Variants in MALRD1 observed in about 807,000 individuals in gnomAD.
The protein encoded by MALRD1 is MAM and LDL receptor class A domain containing 1, also known as MAM and LDL-receptor class A domain-containing protein 1.
MALRD1 carries 247 observed loss-of-function variants against 242.1 expected under a neutral mutation model. The observed-to-expected ratio is 1.02, with a 90% CI of 0.92 to 1.13. The LOEUF (loss-of-function observed/expected upper bound fraction) is 1.13, where lower values mean the gene tolerates loss of function less well. MALRD1 is among the 50% of genes most tolerant of loss of function. The pLI is 0.00. For missense variants in MALRD1, 2,989 were observed against 2,533.1 expected (o/e 1.18, Z -3.86); for synonymous variants, 995 against 866.6 (o/e 1.15, Z -2.60).
rs61437328 is a variant in MALRD1 at position 19,705,804 on chromosome 10, T to TAAAAAAAAAAAAAAAAAAAA, written c.6314+13264_6314+13265insAAAAAAAAAAAAAAAAAAAA. Among the ~76,000 whole-genome samples the TAAAAAAAAAAAAAAAAAAAA allele has an allele frequency of 2.1e-4, 22 of 102,848 alleles. 1 individual carries two copies. The East Asian group carries it at 3.2e-3, about 15-fold the overall frequency. The allele number at this position is 102,848 out of a possible 152,430, so 67.5% of individuals were successfully genotyped here. On this transcript the variant is annotated intron_variant, in intron 38 of 39. Coordinates refer to ENST00000454679, the MANE Select transcript of MALRD1 (RefSeq NM_001142308.3). ...ACCTTGTTCTCATGTCCTGCAATAG[T>TAAAAAAAAAAAAAAAAAAAA]AAAAAAAAAAAAAAGCCCACAAGAG...
At chr10:19,317,933 C>T (rs1052413576) in intron 21 of MALRD1, among the ~76,000 whole-genome samples, 1 of 151,968 alleles carries the variant, frequency 6.6e-6, no homozygotes, top group Non-Finnish European at 1.5e-5. Flanking sequence ...AAGTAAAGCA[C>T]GATTTTCTTA....
intron 14 of MALRD1, among the ~76,000 whole-genome samples, chr10:19,183,290 CTT>C (rs913836255): frequency 6.6e-6 from 1 of 150,910 alleles, no homozygotes; most frequent in Non-Finnish European, 1.5e-5. Flanking sequence ...AAGTAGGAGT[CTT>C]TTTTTTTCTT....
intron 21 of MALRD1, among the ~76,000 whole-genome samples, chr10:19,301,434 T>G (rs546893484): frequency 9.2e-5 from 14 of 151,842 alleles, no homozygotes; most frequent in African/African-American, 3.1e-4. Flanking sequence ...GGCAGCGCTG[T>G]TCACAATAAC....
intron 26 of MALRD1, among the ~76,000 whole-genome samples, chr10:19,362,284 T>G (rs1844927286): frequency 6.6e-6 from 1 of 152,166 alleles, no homozygotes. Context: ...TCTAATACTT[T>G]GCCTTTAATG....
intron 18 of MALRD1, among the ~76,000 whole-genome samples, chr10:19,223,655 G>A (rs1460327044): frequency 6.6e-6 from 1 of 151,974 alleles, no homozygotes; most frequent in Admixed American, 6.6e-5. Context: ...CCATCAACCC[G>A]TCATCCACAT....
chr10:19,615,516 C>CAAAAAAAAAAAAAAAAAAAAAA (rs530920512), intron 35 of MALRD1, among the ~76,000 whole-genome samples: 17 of 37,222 alleles, frequency 4.6e-4, no homozygotes, highest in African/African-American at 1.4e-3. Context: ...GACCCTGCCT[C>CAAAAAAAAAAAAAAAAAAAAAA]AAAAAAAAAA....
At chr10:19,310,908 A>G (rs1489958909) in intron 21 of MALRD1, among the ~76,000 whole-genome samples, 1 of 151,500 alleles carries the variant, frequency 6.6e-6, no homozygotes, top group Admixed American at 6.6e-5. Flanking sequence ...TAACTCCCGC[A>G]TGAGTCTGTA....
At chr10:19,246,151 A>G (rs1369663904) in intron 18 of MALRD1, among the ~76,000 whole-genome samples, 1 of 152,138 alleles carries the variant, frequency 6.6e-6, no homozygotes, top group Non-Finnish European at 1.5e-5. Context: ...TACTATCTCA[A>G]TAGAATATTC....
At chr10:19,585,321 C>T (rs996994664) in intron 33 of MALRD1, among the ~76,000 whole-genome samples, 24 of 151,800 alleles carry the variant, frequency 1.6e-4, no homozygotes, top group African/African-American at 3.4e-4. Flanking sequence ...TTTCTAGTCT[C>T]GATGGTCTTT....
chr10:19,440,045 T>C (rs966704774), intron 28 of MALRD1, among the ~76,000 whole-genome samples: 5 of 152,210 alleles, frequency 3.3e-5, no homozygotes, highest in African/African-American at 4.8e-5. Context: ...CATCACACTT[T>C]AGGTGTCCAT....
intron 4 of MALRD1, 95 bp downstream of exon 4, chr10:19,088,280 T>G (rs1835744916): frequency 9.0e-7 from 1 of 1,114,140 alleles, no homozygotes; most frequent in Non-Finnish European, 1.1e-6. Flanking sequence ...ACTGTCCCAG[T>G]TTGCCAGGGA....
chr10:19,156,199 T>A (rs1356622658), intron 12 of MALRD1, among the ~76,000 whole-genome samples: 4 of 152,192 alleles, frequency 2.6e-5, no homozygotes, highest in Non-Finnish European at 5.9e-5. Flanking sequence ...AATTATACTT[T>A]CAGTTTGGTA....
chr10:19,719,239 T>TAC (rs1392517480), intron 38 of MALRD1, among the ~76,000 whole-genome samples: 20 of 117,322 alleles, frequency 1.7e-4, no homozygotes, highest in African/African-American at 5.7e-4. Context: ...TATATATATA[T>TAC]ATATATATAT....
chr10:19,457,006 C>T lies in MALRD1; in HGVS notation c.5029+6516C>T, dbSNP rs148224717. On this transcript the variant is annotated intron_variant, in intron 29 of 39. Coordinates refer to ENST00000454679, the MANE Select transcript of MALRD1 (RefSeq NM_001142308.3). ...AATGATAGTGTGGATTTAAAAGTTACTATATGCCAAGTGCTTTATACAATA... is the reference window on the plus strand; with the variant it reads ...AATGATAGTGTGGATTTAAAAGTTATTATATGCCAAGTGCTTTATACAATA... 3.3e-3 allele frequency among the ~76,000 whole-genome samples: 499 copies of T among 152,174 alleles called. 2 individuals carry two copies. Among genetic ancestry groups the T allele is most frequent in the Admixed American group, 8.0e-3 (123 of 15,280 alleles).
intron 21 of MALRD1, among the ~76,000 whole-genome samples, chr10:19,284,292 G>A (rs1474030965): frequency 3.4e-5 from 5 of 148,936 alleles, no homozygotes; most frequent in African/African-American, 1.2e-4. Context: ...GGGTACATGT[G>A]CACATTGTGC....
intron 26 of MALRD1, among the ~76,000 whole-genome samples, chr10:19,353,297 A>G (rs535577362): frequency 1.3e-5 from 2 of 152,236 alleles, no homozygotes; most frequent in South Asian, 2.1e-4. Context: ...ATGAACCACC[A>G]TGCCCAGCAG....
At position 19,406,501 on chromosome 10, in the gene MALRD1, G is replaced by A. The variant is rs184104539; in HGVS notation, c.4845+16892G>A. On this transcript the variant is annotated intron_variant, in intron 28 of 39. Coordinates refer to ENST00000454679, the MANE Select transcript of MALRD1 (RefSeq NM_001142308.3). ...GATAGCTGGGCCTCGATGAGATCCC[G>A]TCAGGTGTTAAGCTTAGAGCACAAG... Among the ~76,000 whole-genome samples the A allele has an allele frequency of 1.6e-3, 241 of 152,192 alleles. 1 individual carries two copies. Among genetic ancestry groups the A allele is most frequent in the Admixed American group, 5.6e-3 (86 of 15,268 alleles).
At chr10:19,286,887 A>G (rs1841152514) in intron 21 of MALRD1, among the ~76,000 whole-genome samples, 2 of 150,490 alleles carry the variant, frequency 1.3e-5, no homozygotes, top group Non-Finnish European at 3.0e-5. Context: ...TTTTAGACCA[A>G]TATCCTTGAT....
At chr10:19,191,238 G>A (rs1028313432) in intron 14 of MALRD1, among the ~76,000 whole-genome samples, 2 of 151,956 alleles carry the variant, frequency 1.3e-5, no homozygotes, top group African/African-American at 2.4e-5. Context: ...CAACATTAGG[G>A]AAATGCAAAT....
Sources: gnomAD v4.1 joint callset for allele counts (sites outside exome capture counted in the v4.1 genomes callset) on GRCh38, gnomAD v4.1.1 for gene constraint, MANE v1.5 for transcripts, NCBI Gene and HGNC (gene_info 2026-07-23, HGNC 2026-07-21) for gene names.